The following TMTC3 variants were observed in gnomAD, a reference collection of about 807,000 sequenced individuals.
TMTC3 encodes transmembrane O-mannosyltransferase targeting cadherins 3.
A neutral mutation model predicts 92.2 loss-of-function variants in TMTC3; 52 were observed. That is an observed-to-expected ratio of 0.56 (90% CI 0.45 to 0.71). The LOEUF is 0.71. TMTC3 is among the 30% of genes least tolerant of loss of function. The pLI is 0.00. For missense variants in TMTC3, 896 were observed against 1,057.1 expected, an observed-to-expected ratio of 0.85 and a Z score of 2.11; for synonymous variants, 339 against 363.3, an observed-to-expected ratio of 0.93 and a Z score of 0.76.
At chr12:88,164,509 T>A (rs950754510) in intron 6 of TMTC3, among the ~76,000 whole-genome samples, 12 of 151,634 alleles carry the variant, frequency 7.9e-5, no homozygotes, top group Non-Finnish European at 1.2e-4. Flanking sequence ...TCAGTATGTT[T>A]AAAAAAAAAT....
intron 1 of TMTC3, among the ~76,000 whole-genome samples, chr12:88,147,589 T>A (rs1039894815): frequency 5.3e-5 from 8 of 152,132 alleles, no homozygotes; most frequent in African/African-American, 1.9e-4. Flanking sequence ...CAGAGGTAAA[T>A]TTTTTGAGAC....
intron 7 of TMTC3, among the ~76,000 whole-genome samples, chr12:88,171,573 G>A (rs2041205262): frequency 1.3e-5 from 2 of 152,074 alleles, no homozygotes; most frequent in Non-Finnish European, 2.9e-5. Flanking sequence ...AAGTGTATAT[G>A]TACCACATTT....
chr12:88,180,064 A>C (rs148709824), intron 10 of TMTC3, among the ~76,000 whole-genome samples: 7 of 152,250 alleles, frequency 4.6e-5, no homozygotes, highest in African/African-American at 1.7e-4. Context: ...CACTACCCTG[A>C]CCGAACTCCT....
chr12:88,150,802 C>A (rs1037041997), intron 2 of TMTC3, among the ~76,000 whole-genome samples: 2 of 152,056 alleles, frequency 1.3e-5, no homozygotes, highest in African/African-American at 4.8e-5. Context: ...CGTGTCCACA[C>A]GTATCTTACA....
intron 12 of TMTC3, among the ~76,000 whole-genome samples, chr12:88,191,327 G>C (rs2041440117): frequency 6.6e-6 from 1 of 152,032 alleles, no homozygotes; most frequent in Non-Finnish European, 1.5e-5. Context: ...AATAACACCT[G>C]TCATGTATTA....
At chr12:88,176,151 T>A in intron 9 of TMTC3, 57 bp from the exon 10 acceptor site, 1 of 1,134,648 alleles carries the variant, frequency 8.8e-7, no homozygotes, top group Non-Finnish European at 1.3e-6. Flanking sequence ...AATATCTGTA[T>A]GAACTGGAGT....
intron 8 of TMTC3, among the ~76,000 whole-genome samples, chr12:88,173,551 T>C (rs2041227933): frequency 6.6e-6 from 1 of 152,066 alleles, no homozygotes; most frequent in African/African-American, 2.4e-5. Context: ...TCCTGATTAA[T>C]TCTTCTGGCT....
chr12:88,154,597 G>A (rs1360006175), intron 4 of TMTC3, among the ~76,000 whole-genome samples: 1 of 152,054 alleles, frequency 6.6e-6, no homozygotes, highest in Admixed American at 6.5e-5. Flanking sequence ...TTTATCTTGA[G>A]CTAATAGATT....
intron 10 of TMTC3, among the ~76,000 whole-genome samples, chr12:88,187,527 C>T (rs1327823029): frequency 1.3e-5 from 2 of 151,796 alleles, no homozygotes; most frequent in Non-Finnish European, 2.9e-5. Flanking sequence ...GTTTTTTTTG[C>T]TTGACCCCTC....
At chr12:88,164,279 C>G (rs1334934055) in intron 6 of TMTC3, among the ~76,000 whole-genome samples, 1 of 151,502 alleles carries the variant, frequency 6.6e-6, no homozygotes, top group Admixed American at 6.6e-5. Context: ...TTCTCAGCAG[C>G]TTTCTTCTGT....
intron 1 of TMTC3, among the ~76,000 whole-genome samples, chr12:88,144,918 A>C (rs1237663125): frequency 6.6e-6 from 1 of 152,208 alleles, no homozygotes; most frequent in Non-Finnish European, 1.5e-5. Context: ...GTCAGTTTTC[A>C]TCAAGAAATG....
chr12:88,159,662 TAA>T (rs1218499909), intron 4 of TMTC3, among the ~76,000 whole-genome samples: 33 of 143,184 alleles, frequency 2.3e-4, no homozygotes, highest in African/African-American at 3.3e-4. Flanking sequence ...GACCCTGTCT[TAA>T]AAAAAAAAAA....
At position 88,195,399 on chromosome 12, in the gene TMTC3, A is replaced by G; in HGVS notation, c.2495A>G (p.Lys832Arg). ...SFIEPIFPTS[K>R]ISSVEGKKIP... ...ATAGAGCCAATATTCCCAACCAGTAAGATTTCAAGTGTGGAAGGAAAGAAA... is the reference window on the plus strand; with the variant it reads ...ATAGAGCCAATATTCCCAACCAGTAGGATTTCAAGTGTGGAAGGAAAGAAA... Residue 832 changes from lysine (K) to arginine (R), a missense_variant, in exon 14 of 14, where the codon AAG becomes AGG. By Grantham distance (26) the Lys-to-Arg change is conservative. Transcript: ENST00000266712. The G allele has an allele frequency of 6.2e-7, 1 of 1,613,848 alleles. No individual in the cohort carries two copies. The highest frequency in any genetic ancestry group is 8.5e-7 in the Non-Finnish European group (1 of 1,179,878).
At chr12:88,192,474 G>C in intron 12 of TMTC3, 130 bp from the exon 13 acceptor site, 1 of 606,560 alleles carries the variant, frequency 1.6e-6, no homozygotes, top group Non-Finnish European at 2.9e-6. Flanking sequence ...TTTCGAAAGA[G>C]AGTTTTTTAA....
intron 7 of TMTC3, among the ~76,000 whole-genome samples, chr12:88,167,828 A>G (rs1436952682): frequency 6.6e-6 from 1 of 152,242 alleles, no homozygotes; most frequent in African/African-American, 2.4e-5. Context: ...AGTTACACAT[A>G]GAAATCTTAT....
At chr12:88,188,632 T>C (rs2041405502) in intron 10 of TMTC3, among the ~76,000 whole-genome samples, 1 of 152,224 alleles carries the variant, frequency 6.6e-6, no homozygotes, top group Admixed American at 6.5e-5. Context: ...TTTTAAGTTA[T>C]AACAAGTTAA....
At chr12:88,152,281 G>A (rs550268159) in intron 2 of TMTC3, among the ~76,000 whole-genome samples, 45 of 152,070 alleles carry the variant, frequency 3.0e-4, no homozygotes, top group Non-Finnish European at 5.1e-4. Flanking sequence ...TGTATCACAT[G>A]GTGAGAGGGG....
intron 1 of TMTC3, among the ~76,000 whole-genome samples, chr12:88,145,844 C>T (rs2040866813): frequency 6.6e-6 from 1 of 152,172 alleles, no homozygotes; most frequent in Non-Finnish European, 1.5e-5. Context: ...CATGACTCAG[C>T]TTTCACCCTA....
chr12:88,180,528 A>G (rs562306067), intron 10 of TMTC3, among the ~76,000 whole-genome samples: 3 of 152,322 alleles, frequency 2.0e-5, no homozygotes, highest in South Asian at 2.1e-4. Flanking sequence ...GTAAGGAACA[A>G]ATTATCTGGA....
Sources: gnomAD v4.1 joint callset for allele counts (sites outside exome capture counted in the v4.1 genomes callset) on GRCh38, gnomAD v4.1.1 for gene constraint, MANE v1.5 for transcripts, NCBI Gene and HGNC (gene_info 2026-07-23, HGNC 2026-07-21) for gene names.